FANCA: variants seen among roughly 807,000 people sequenced by gnomAD.
FANCA encodes Fanconi anemia group A protein.
FANCA carries 236 observed loss-of-function variants against 194.3 expected under a neutral mutation model. The observed-to-expected ratio is 1.21, with a 90% CI of 1.09 to 1.35. FANCA has a LOEUF of 1.35. Ranked by LOEUF, FANCA falls within the 40% of genes most tolerant of loss-of-function variation. The pLI is 0.00. For synonymous variants in FANCA, 1,014 were observed against 715.8 expected (o/e 1.42, Z -6.65); for missense variants, 2,628 against 1,813.9 (o/e 1.45, Z -8.15).
At position 89,799,585 on chromosome 16, in the gene FANCA, C is replaced by T; in HGVS notation, c.826+20G>A. On this transcript the variant is annotated intron_variant, in intron 9 of 42. Coordinates refer to ENST00000389301, the MANE Select transcript of FANCA (RefSeq NM_000135.4). ...CAAACTAAGTCATTTACAGTCTGGG[C>T]TGCAGTGCAATTAACTTACAAATCA... The T allele has an allele frequency of 6.2e-7, 1 of 1,610,542 alleles. No homozygotes were observed. Among genetic ancestry groups the T allele is most frequent in the Non-Finnish European group, 8.5e-7 (1 of 1,176,776 alleles).
At chr16:89,786,980 A>G (rs1469573303) in intron 14 of FANCA, among the ~76,000 whole-genome samples, 1 of 152,216 alleles carries the variant, frequency 6.6e-6, no homozygotes, top group Non-Finnish European at 1.5e-5. Flanking sequence ...AGTGAGCCAG[A>G]TGATCACTGG....
chr16:89,747,144 G>T (rs945924613), intron 33 of FANCA, among the ~76,000 whole-genome samples: 5 of 152,190 alleles, frequency 3.3e-5, no homozygotes, highest in Non-Finnish European at 7.3e-5. Flanking sequence ...GCTCCAGGAA[G>T]AAGCCAGGGA....
At chr16:89,814,173 G>T (rs1415985279) in intron 3 of FANCA, among the ~76,000 whole-genome samples, 3 of 152,174 alleles carry the variant, frequency 2.0e-5, no homozygotes, top group African/African-American at 7.2e-5. Context: ...GAGGTACCTA[G>T]AAAATTGTTC....
At chr16:89,762,143 G>A (rs2038973650) in intron 28 of FANCA, 121 bp from the exon 29 acceptor site, 6 of 802,216 alleles carry the variant, frequency 7.5e-6, no homozygotes, top group African/African-American at 1.7e-5. Context: ...GTGTTATAAT[G>A]AAATTGCAGC....
intron 31 of FANCA, among the ~76,000 whole-genome samples, chr16:89,750,400 G>C (rs1242122320): frequency 6.6e-6 from 1 of 151,804 alleles, no homozygotes; most frequent in Non-Finnish European, 1.5e-5. Flanking sequence ...GGAGAATGGC[G>C]TGAACCCGGG....
intron 33 of FANCA, among the ~76,000 whole-genome samples, chr16:89,747,994 C>G (rs1190207434): frequency 6.6e-6 from 1 of 152,214 alleles, no homozygotes; most frequent in East Asian, 1.9e-4. Flanking sequence ...CTCAGTGCAA[C>G]TCTGCCTCCT....
intron 17 of FANCA, 111 bp from the exon 18 acceptor site, chr16:89,780,068 A>G: frequency 1.0e-6 from 1 of 990,086 alleles, no homozygotes; most frequent in Non-Finnish European, 1.6e-6. Context: ...CTCTGTACAC[A>G]TTAAAGGTAA....
At chr16:89,740,168 C>T (rs1598055816) in intron 38 of FANCA, 69 bp from the exon 39 acceptor site, 8 of 1,226,340 alleles carry the variant, frequency 6.5e-6, no homozygotes, top group Middle Eastern at 2.3e-4. Context: ...AGGGTACAGC[C>T]CTCAGCACAG....
At chr16:89,769,608 T>G in intron 26 of FANCA, 1 of 594,898 alleles carries the variant, frequency 1.7e-6, no homozygotes, top group Non-Finnish European at 3.0e-6. Context: ...ACTATTAATT[T>G]CAGCAGTTTA....
At position 89,815,985 on chromosome 16, in the gene FANCA, C is replaced by T. The variant is rs150247726; in HGVS notation, c.81G>A (p.Ala27=). The T allele has an allele frequency of 2.6e-5, 42 of 1,611,896 alleles. No homozygotes were observed. Among genetic ancestry groups the T allele is most frequent in the Non-Finnish European group, 3.1e-5 (37 of 1,178,146 alleles). Residue 27 remains alanine (A), a splice_region_variant and synonymous_variant, in exon 2 of 43, where the codon GCG becomes GCA. Coordinates refer to ENST00000389301, the MANE Select transcript of FANCA (RefSeq NM_000135.4). ...TATATTTTTCCCTCTTGACCCTTCC[C>T]GCTACGGAGAGAAGTCGGTTCGAAA... ...GRRRAWAELL[A]GRVKREKYNP...
chr16:89,770,467 G>T, intron 24 of FANCA, 97 bp downstream of exon 24: 1 of 1,229,932 alleles, frequency 8.1e-7, no homozygotes, highest in Non-Finnish European at 1.2e-6. Flanking sequence ...ATGCTCCTGC[G>T]GAGACGAGCT....
intron 11 of FANCA, among the ~76,000 whole-genome samples, chr16:89,795,269 G>A (rs1158393769): frequency 6.8e-6 from 1 of 147,612 alleles, no homozygotes; most frequent in East Asian, 2.1e-4. Context: ...TGGCAACAGA[G>A]CAAGACTCCA....
intron 21 of FANCA, among the ~76,000 whole-genome samples, chr16:89,774,754 A>AAAAAAAAAC (rs34932314): frequency 6.9e-5 from 10 of 145,716 alleles, no homozygotes; most frequent in Non-Finnish European, 1.4e-4. Flanking sequence ...AAAAAAAAAA[A>AAAAAAAAAC]TCTCAACGAG....
chr16:89,745,704 G>C (rs187307718), intron 35 of FANCA, among the ~76,000 whole-genome samples: 1 of 87,966 alleles, frequency 1.1e-5, no homozygotes, highest in African/African-American at 7.6e-5. Flanking sequence ...AAACAGTGAA[G>C]GGACCACACT....
rs568254401 is a variant in FANCA, at chr16:89,750,579, A to C, written c.3067-677T>G. 2.0e-5 allele frequency among the ~76,000 whole-genome samples: 3 copies of C among 152,200 alleles called. No individual in the cohort carries two copies. In the South Asian group the frequency reaches 6.2e-4, roughly 32 times the overall value. ...CAAGACAGATGGATTACCTGAGGTCAGGAGTCCAAGACCAGCCTGGCCAAC... is the reference window on the plus strand; with the variant it reads ...CAAGACAGATGGATTACCTGAGGTCCGGAGTCCAAGACCAGCCTGGCCAAC... On this transcript the variant is annotated intron_variant, in intron 31 of 42. Transcript: ENST00000389301.
At chr16:89,801,120 C>T (rs904518520) in intron 8 of FANCA, among the ~76,000 whole-genome samples, 1 of 151,242 alleles carries the variant, frequency 6.6e-6, no homozygotes, top group African/African-American at 2.4e-5. Context: ...CCAAGGTGGG[C>T]GGGTCATGAG....
At chr16:89,786,236 C>T (rs968451917) in intron 14 of FANCA, among the ~76,000 whole-genome samples, 10 of 151,540 alleles carry the variant, frequency 6.6e-5, no homozygotes, top group African/African-American at 1.7e-4. Context: ...CAGGCTGGAG[C>T]GCAGTGGCGT....
chr16:89,792,769 G>C (rs1451301107), intron 11 of FANCA: 6 of 484,432 alleles, frequency 1.2e-5, no homozygotes, highest in Non-Finnish European at 2.3e-5. Flanking sequence ...TGAATGTCTG[G>C]TTGTGCTGTT....
intron 36 of FANCA, among the ~76,000 whole-genome samples, chr16:89,743,485 A>G (rs1482581014): frequency 6.6e-6 from 1 of 152,242 alleles, no homozygotes; most frequent in Non-Finnish European, 1.5e-5. Flanking sequence ...TAAGCCCAGC[A>G]GTTTGAGATC....
Sources: allele counts gnomAD v4.1 joint callset (sites outside exome capture counted in the v4.1 genomes callset), GRCh38; gene constraint gnomAD v4.1.1; transcripts MANE v1.5; gene names NCBI Gene and HGNC (gene_info 2026-07-23, HGNC 2026-07-21).